KCNJ10: variants seen among roughly 807,000 people sequenced by gnomAD.
KCNJ10 encodes the protein ATP-sensitive inward rectifier potassium channel 10.
Under a neutral mutation model 22.2 loss-of-function variants are expected in KCNJ10, and 9 were observed. The ratio of observed to expected loss-of-function variants is 0.40; its 90% CI spans 0.24 to 0.71. The LOEUF (loss-of-function observed/expected upper bound fraction) is 0.71, where lower values mean the gene tolerates loss of function less well. Among genes scored for constraint, KCNJ10 ranks in the 30% least tolerant of loss-of-function variants. KCNJ10 has a pLI of 0.35. For missense variants in KCNJ10, 337 were observed against 482.7 expected, an observed-to-expected ratio of 0.70 and a Z score of 2.83; for synonymous variants, 184 against 187.3, an observed-to-expected ratio of 0.98 and a Z score of 0.15.
At chr1:160,068,475 C>T (rs1179895556) in intron 1 of KCNJ10, among the ~76,000 whole-genome samples, 2 of 152,156 alleles carry the variant, frequency 1.3e-5, no homozygotes, top group East Asian at 1.9e-4. Context: ...CTCCCTTCCT[C>T]CCTTGCCACC....
intron 1 of KCNJ10, among the ~76,000 whole-genome samples, chr1:160,068,516 G>A (rs1436871028): frequency 6.6e-6 from 1 of 152,150 alleles, no homozygotes; most frequent in Non-Finnish European, 1.5e-5. Flanking sequence ...AGGCAGCGGG[G>A]AAAGGAGTTG....
intron 1 of KCNJ10, among the ~76,000 whole-genome samples, chr1:160,047,519 C>T (rs1203923876): frequency 6.6e-6 from 1 of 152,180 alleles, no homozygotes; most frequent in Non-Finnish European, 1.5e-5. Flanking sequence ...AGCCTCACTA[C>T]CCAATCCTTT....
In KCNJ10 at chr1:160,038,480, C is replaced by T. The variant is rs1269203539; in HGVS notation, c.*2913G>A. 6.6e-6 allele frequency: 1 copy of T among 152,128 alleles called. No individual in the cohort carries two copies. The highest frequency in any genetic ancestry group is 1.5e-5 in the Non-Finnish European group (1 of 68,022). 9.4% of individuals were successfully genotyped at this position (152,128 alleles called of 1,614,324 possible). A position where few individuals can be genotyped will look rare whatever the true frequency, so the allele number is the denominator to read the frequency against. ...AAAGGAACTTCTACCCCTCCCTTTC[C>T]CATTTCCAGACTTGAAATCCTTCAT... On this transcript the variant is annotated 3_prime_UTR_variant, in exon 2 of 2. Coordinates refer to ENST00000644903, the MANE Select transcript of KCNJ10 (RefSeq NM_002241.5).
chr1:160,041,993 A>G lies in KCNJ10; in HGVS notation c.540T>C (p.Arg180=). 6.3e-7 allele frequency: 1 copy of G among 1,589,030 alleles called. No homozygotes were observed. The highest frequency in any genetic ancestry group is 8.6e-7 in the Non-Finnish European group (1 of 1,166,060). Residue 180 remains arginine (R), a synonymous_variant, in exon 2 of 2, where the codon CGT becomes CGC. Transcript: ENST00000644903. The surrounding 1 kb of genome is among the most constrained non-coding windows in gnomAD (Gnocchi z 4.4). ...ARPKKRAETI[R]FSQHAVVASH... ...AGGCCACAACTGCATGCTGGCTGAA[A>G]CGAATGGTCTCAGCCCGCTTCTTGG...
intron 1 of KCNJ10, among the ~76,000 whole-genome samples, chr1:160,046,476 C>T (rs1386984055): frequency 5.9e-5 from 9 of 152,258 alleles, no homozygotes; most frequent in South Asian, 2.1e-4. Context: ...TCAGCAGGTG[C>T]CACTATGGTA....
At chr1:160,067,969 C>T (rs1276817289) in intron 1 of KCNJ10, 1 of 152,128 alleles carries the variant, frequency 6.6e-6, no homozygotes, top group Non-Finnish European at 1.5e-5. Context: ...AAGGAAGGTC[C>T]CCGGGTCCTC....
In KCNJ10 at chr1:160,067,632, G is replaced by A. The variant is rs117307802; in HGVS notation, c.-1+2390C>T. Among the ~76,000 whole-genome samples, 28 of 152,304 alleles carry A rather than the reference G, an allele frequency of 1.8e-4. No homozygotes were observed. The East Asian group carries it at 4.8e-3, about 26-fold the overall frequency. ...GTCAGGCAAGAGAAGAATCTAGGCC[G>A]AGGAGGGGAGGGAGAGTGGAGGTTT... On this transcript the variant is annotated intron_variant, in intron 1 of 1. Coordinates refer to ENST00000644903, the MANE Select transcript of KCNJ10 (RefSeq NM_002241.5).
At chr1:160,052,687 C>T (rs1648932204) in intron 1 of KCNJ10, among the ~76,000 whole-genome samples, 1 of 152,176 alleles carries the variant, frequency 6.6e-6, no homozygotes, top group African/African-American at 2.4e-5. Flanking sequence ...ATGCACTGGA[C>T]TGGGAAGTAA....
At chr1:160,065,990 G>A (rs1226499717) in intron 1 of KCNJ10, among the ~76,000 whole-genome samples, 1 of 152,096 alleles carries the variant, frequency 6.6e-6, no homozygotes, top group Non-Finnish European at 1.5e-5. Flanking sequence ...AAACCTGAGA[G>A]AAGTTGTGGG....
intron 1 of KCNJ10, among the ~76,000 whole-genome samples, chr1:160,060,935 C>T (rs746651227): frequency 2.6e-5 from 4 of 152,146 alleles, no homozygotes; most frequent in Admixed American, 2.6e-4. Flanking sequence ...ATCCAGAGTT[C>T]GTAGCAGGAG....
Position 160,042,244 on chromosome 1 carries a change from G to A in KCNJ10, c.289C>T (p.Leu97=). ...TGGTTGGCCGGGGGGTCCAGCTCCA[G>A]CAGGTCCCCATGTGCCACAGCTACC... ...YLVAVAHGDL[L]ELDPPANHTP... Residue 97 remains leucine (L), a synonymous_variant, in exon 2 of 2, where the codon CTG becomes TTG. Transcript: ENST00000644903. 6.2e-7 allele frequency: 1 copy of A among 1,614,070 alleles called. No homozygotes were observed. Among genetic ancestry groups the A allele is most frequent in the East Asian group, 2.2e-5 (1 of 44,878 alleles).
intron 1 of KCNJ10, among the ~76,000 whole-genome samples, chr1:160,049,675 T>TTATTTTTA (rs1283511580): frequency 2.3e-3 from 107 of 47,114 alleles, no homozygotes; most frequent in Non-Finnish European, 4.1e-3. Flanking sequence ...TTTTATTTAT[T>TTATTTTTA]TATATATATA....
intron 1 of KCNJ10, among the ~76,000 whole-genome samples, chr1:160,058,921 T>A (rs944015081): frequency 6.6e-6 from 1 of 152,216 alleles, no homozygotes; most frequent in Admixed American, 6.5e-5. Context: ...TCAGCTTAGA[T>A]GTCACTTTCT....
chr1:160,054,337 T>G (rs1648974498), intron 1 of KCNJ10, among the ~76,000 whole-genome samples: 1 of 152,018 alleles, frequency 6.6e-6, no homozygotes. Flanking sequence ...TATACCACTG[T>G]CTCCTCAGCC....
chr1:160,043,271 A>G (rs1277799851), intron 1 of KCNJ10, among the ~76,000 whole-genome samples: 10 of 123,582 alleles, frequency 8.1e-5, no homozygotes, highest in African/African-American at 3.2e-4. Context: ...ATCCCCCTTA[A>G]AACACACACA....
Position 160,041,116 on chromosome 1 carries a change from C to G in KCNJ10, c.*277G>C. 2.0e-6 allele frequency: 1 copy of G among 508,938 alleles called. No homozygotes were observed. The highest frequency in any genetic ancestry group is 3.6e-6 in the Non-Finnish European group (1 of 279,542). The allele number at this position is 508,938 out of a possible 1,614,324, so 31.5% of individuals were successfully genotyped here. ...TGTGAGTATCCAAGCATGGCTGAGG[C>G]CTTCTAAGCCACTTCAGCCTAATCC... On this transcript the variant is annotated 3_prime_UTR_variant, in exon 2 of 2. Coordinates refer to ENST00000644903, the MANE Select transcript of KCNJ10 (RefSeq NM_002241.5). This position sits in a 1 kb window ranked among gnomAD's most constrained non-coding sequence, Gnocchi z 4.4.
In KCNJ10 at chr1:160,041,062, C is replaced by G; in HGVS notation, c.*331G>C. 1 of 395,976 alleles carries G rather than the reference C, an allele frequency of 2.5e-6. No homozygotes were observed. Among genetic ancestry groups the G allele is most frequent in the Non-Finnish European group, 4.7e-6 (1 of 212,882 alleles). The allele number at this position is 395,976 out of a possible 1,614,324, so 24.5% of individuals were successfully genotyped here. A position where few individuals can be genotyped will look rare whatever the true frequency, so the allele number is the denominator to read the frequency against. ...GTGGTGGTGGGAGGTAGGGGGCAGT[C>G]TATCCTTCCAACCACATGGTCCTCC... is the stretch of plus-strand genomic sequence containing the variant. On this transcript the variant is annotated 3_prime_UTR_variant, in exon 2 of 2. Transcript: ENST00000644903. This position sits in a 1 kb window ranked among gnomAD's most constrained non-coding sequence, Gnocchi z 4.4.
At chr1:160,044,364 A>G (rs769698512) in intron 1 of KCNJ10, among the ~76,000 whole-genome samples, 1 of 152,236 alleles carries the variant, frequency 6.6e-6, no homozygotes, top group Non-Finnish European at 1.5e-5. Flanking sequence ...AGTACTCAGT[A>G]GTAGTAATAA....
At chr1:160,056,396 T>C (rs1424338050) in intron 1 of KCNJ10, among the ~76,000 whole-genome samples, 1 of 152,220 alleles carries the variant, frequency 6.6e-6, no homozygotes, top group Non-Finnish European at 1.5e-5. Flanking sequence ...GCCCATATTC[T>C]AGCCACGTGA....
Sources: gnomAD v4.1 joint callset for allele counts (sites outside exome capture counted in the v4.1 genomes callset) on GRCh38, gnomAD v4.1.1 for gene constraint, Gnocchi (gnomAD v3.1) non-coding constraint, MANE v1.5 for transcripts, NCBI Gene and HGNC (gene_info 2026-07-23, HGNC 2026-07-21) for gene names.